PCSK5: variants seen among roughly 807,000 people sequenced by gnomAD.
PCSK5 encodes the protein proprotein convertase subtilisin/kexin type 5.
PCSK5 carries 129 observed loss-of-function variants against 233.2 expected under a neutral mutation model. The observed-to-expected ratio is 0.55, with a 90% CI of 0.48 to 0.64. The LOEUF is 0.64. PCSK5 is among the 30% of genes least tolerant of loss of function. PCSK5 has a pLI of 0.00. For missense variants in PCSK5, 2,076 were observed against 2,430.1 expected, an observed-to-expected ratio of 0.85 and a Z score of 3.06; for synonymous variants, 825 against 879.2, an observed-to-expected ratio of 0.94 and a Z score of 1.09.
chr9:76,123,837 A>C (rs930313315), intron 9 of PCSK5, among the ~76,000 whole-genome samples: 1 of 152,190 alleles, frequency 6.6e-6, no homozygotes, highest in Non-Finnish European at 1.5e-5. Context: ...GTCTAGTGTA[A>C]AATTCTCAGG....
intron 1 of PCSK5, among the ~76,000 whole-genome samples, chr9:75,902,879 C>A (rs1204332183): frequency 6.6e-6 from 1 of 152,120 alleles, no homozygotes; most frequent in African/African-American, 2.4e-5. Context: ...CTTTCAACTC[C>A]CATATTTGGT....
intron 8 of PCSK5, among the ~76,000 whole-genome samples, chr9:76,097,804 G>C (rs969706038): frequency 6.6e-6 from 1 of 152,230 alleles, no homozygotes; most frequent in Non-Finnish European, 1.5e-5. Context: ...ACTTTTCGGG[G>C]ATGCCCAACA....
At chr9:75,948,210 T>C (rs568137365) in intron 2 of PCSK5, among the ~76,000 whole-genome samples, 8 of 152,200 alleles carry the variant, frequency 5.3e-5, no homozygotes, top group Admixed American at 4.6e-4. Context: ...GTGTACAACA[T>C]GCAGGTTTGT....
chr9:76,297,021 T>C (rs756686464), intron 27 of PCSK5, among the ~76,000 whole-genome samples, 156 bp downstream of exon 27: 67 of 152,270 alleles, frequency 4.4e-4, no homozygotes, highest in Non-Finnish European at 7.6e-4. Context: ...TTCCTGAGTC[T>C]CTCTGATGCT....
intron 5 of PCSK5, among the ~76,000 whole-genome samples, chr9:76,038,442 A>C (rs1305800223): frequency 6.6e-6 from 1 of 152,126 alleles, no homozygotes; most frequent in Non-Finnish European, 1.5e-5. Context: ...CTGTGTTGTT[A>C]ATTTTATTGA....
At chr9:76,173,843 G>A (rs1823450762) in intron 13 of PCSK5, among the ~76,000 whole-genome samples, 1 of 151,884 alleles carries the variant, frequency 6.6e-6, no homozygotes, top group Admixed American at 6.6e-5. Context: ...GTGTGGTGGG[G>A]GCCACCTGTA....
chr9:76,003,544 C>T (rs1350499991), intron 3 of PCSK5, among the ~76,000 whole-genome samples: 1 of 152,184 alleles, frequency 6.6e-6, no homozygotes, highest in Non-Finnish European at 1.5e-5. Context: ...TCTCTTTATA[C>T]ACACATGGAA....
intron 7 of PCSK5, among the ~76,000 whole-genome samples, chr9:76,084,159 G>C (rs1002008459): frequency 3.3e-5 from 5 of 152,186 alleles, no homozygotes; most frequent in African/African-American, 1.2e-4. Flanking sequence ...GACTTGGTTT[G>C]CCGAGTGTAC....
intron 5 of PCSK5, among the ~76,000 whole-genome samples, chr9:76,040,270 C>A (rs1832525): frequency 0.16 from 24,062 of 151,400 alleles, 1,985 homozygotes; most frequent in East Asian, 0.26. Flanking sequence ...ATCAATTGCA[C>A]CTGCTATTAA....
chr9:75,937,553 C>T (rs1824112580), intron 2 of PCSK5, among the ~76,000 whole-genome samples: 1 of 152,188 alleles, frequency 6.6e-6, no homozygotes, highest in Non-Finnish European at 1.5e-5. Context: ...AACTTGAAGT[C>T]ACCAGCTCCG....
intron 9 of PCSK5, among the ~76,000 whole-genome samples, chr9:76,126,383 G>A: frequency 6.6e-6 from 1 of 152,186 alleles, no homozygotes; most frequent in East Asian, 1.9e-4. Flanking sequence ...GGAGGCTGAG[G>A]CATGTGGATC....
chr9:76,062,874 A>T (rs10781330), intron 5 of PCSK5, among the ~76,000 whole-genome samples: 1 of 152,094 alleles, frequency 6.6e-6, no homozygotes, highest in South Asian at 2.1e-4. Context: ...ATTCTATTAT[A>T]CTATTGAACA....
intron 2 of PCSK5, among the ~76,000 whole-genome samples, chr9:75,967,766 CTTT>C (rs35915694): frequency 6.8e-6 from 1 of 148,146 alleles, no homozygotes. Flanking sequence ...AGTGCCCAGC[CTTT>C]TTTTTTTTTG....
intron 5 of PCSK5, among the ~76,000 whole-genome samples, chr9:76,066,793 A>G (rs2131593729): frequency 6.6e-6 from 1 of 152,316 alleles, no homozygotes; most frequent in African/African-American, 2.4e-5. Flanking sequence ...TTGCACAGAG[A>G]GTAGTGGTCT....
At chr9:76,251,194 G>A (rs532046861) in intron 24 of PCSK5, among the ~76,000 whole-genome samples, 9 of 152,256 alleles carry the variant, frequency 5.9e-5, no homozygotes, top group African/African-American at 2.2e-4. Context: ...TTAAGCCCAG[G>A]AGTTCAAAGC....
At chr9:76,318,367 A>G (rs948362308) in intron 30 of PCSK5, among the ~76,000 whole-genome samples, 10 of 152,080 alleles carry the variant, frequency 6.6e-5, no homozygotes, top group African/African-American at 2.2e-4. Context: ...CCTAATGTAG[A>G]TAGATGATGA....
intron 2 of PCSK5, among the ~76,000 whole-genome samples, chr9:75,960,429 G>A (rs1414827389): frequency 6.6e-6 from 1 of 152,150 alleles, no homozygotes; most frequent in Admixed American, 6.5e-5. Context: ...AAAGGAAATA[G>A]GGGCTGGGGA....
intron 24 of PCSK5, among the ~76,000 whole-genome samples, chr9:76,273,796 C>T (rs1024389270): frequency 6.0e-5 from 9 of 150,230 alleles, no homozygotes; most frequent in East Asian, 1.9e-4. Flanking sequence ...TCATACATAG[C>T]TAATTTTTAA....
intron 2 of PCSK5, among the ~76,000 whole-genome samples, chr9:75,945,687 C>G (rs1168434374): frequency 6.6e-6 from 1 of 152,136 alleles, no homozygotes; most frequent in African/African-American, 2.4e-5. Context: ...GATCTAGCCT[C>G]TTTCTACCTC....
Sources: gnomAD v4.1 joint callset for allele counts (sites outside exome capture counted in the v4.1 genomes callset) on GRCh38, gnomAD v4.1.1 for gene constraint, MANE v1.5 for transcripts, NCBI Gene and HGNC (gene_info 2026-07-23, HGNC 2026-07-21) for gene names.